The following ZFYVE9 variants were observed in gnomAD, a reference collection of about 807,000 sequenced individuals.
ZFYVE9 encodes zinc finger FYVE-type containing 9, also known as zinc finger FYVE domain-containing protein 9.
ZFYVE9 carries 43 observed loss-of-function variants against 126.7 expected under a neutral mutation model. The ratio of observed to expected loss-of-function variants is 0.34; its 90% confidence interval spans 0.27 to 0.44. The LOEUF is 0.44. Ranked by LOEUF, ZFYVE9 falls within the 20% of genes least tolerant of loss-of-function variation. ZFYVE9 has a pLI of 1.00. For missense variants in ZFYVE9, 1,476 were observed against 1,697.0 expected (o/e 0.87, Z 2.29); for synonymous variants, 521 against 597.4 (o/e 0.87, Z 1.87).
At chr1:52,254,146 A>T in intron 4 of ZFYVE9, 1 of 705,906 alleles carries the variant, frequency 1.4e-6, no homozygotes, top group East Asian at 2.7e-5. Flanking sequence ...CTAGATGTAC[A>T]ACTATAGATT....
At chr1:52,215,754 G>A (rs187532718) in intron 1 of ZFYVE9, among the ~76,000 whole-genome samples, 3 of 152,222 alleles carry the variant, frequency 2.0e-5, no homozygotes, top group Admixed American at 6.5e-5. Flanking sequence ...GGATATTGTC[G>A]TATTTTCACA....
chr1:52,337,963 G>A, intron 16 of ZFYVE9, 29 bp downstream of exon 16: 1 of 1,606,288 alleles, frequency 6.2e-7, no homozygotes, highest in Admixed American at 1.7e-5. Flanking sequence ...CCCCTTTGTG[G>A]CTTTTAGTTA....
intron 1 of ZFYVE9, among the ~76,000 whole-genome samples, chr1:52,169,793 G>A (rs1428178339): frequency 6.6e-6 from 1 of 152,144 alleles, no homozygotes; most frequent in Non-Finnish European, 1.5e-5. Context: ...ATGTTGTAAT[G>A]AGATTTGACC....
intron 1 of ZFYVE9, among the ~76,000 whole-genome samples, chr1:52,200,899 A>G (rs899372213): frequency 3.9e-5 from 6 of 152,196 alleles, no homozygotes; most frequent in African/African-American, 1.4e-4. Flanking sequence ...ATTACAGTAT[A>G]TCTTGAAGTA....
chr1:52,149,263 G>GA (rs1306687575), intron 1 of ZFYVE9, among the ~76,000 whole-genome samples: 97 of 151,580 alleles, frequency 6.4e-4, no homozygotes, highest in East Asian at 3.9e-4. Flanking sequence ...TAACTGGTTT[G>GA]AAAAAAAACT....
intron 4 of ZFYVE9, among the ~76,000 whole-genome samples, chr1:52,245,075 T>A (rs1645370892): frequency 6.6e-6 from 1 of 152,000 alleles, no homozygotes; most frequent in Non-Finnish European, 1.5e-5. Context: ...CGAGAATTAT[T>A]TGAACCCAGG....
At chr1:52,223,457 C>T (rs1645142633) in intron 2 of ZFYVE9, among the ~76,000 whole-genome samples, 1 of 152,128 alleles carries the variant, frequency 6.6e-6, no homozygotes. Context: ...CCTCATCCCT[C>T]TCTACATACA....
At chr1:52,226,058 C>T (rs1274521807) in intron 2 of ZFYVE9, among the ~76,000 whole-genome samples, 2 of 152,144 alleles carry the variant, frequency 1.3e-5, no homozygotes, top group African/African-American at 4.8e-5. Context: ...TTATGTAGAG[C>T]TCACAGATTG....
At position 52,146,027 on chromosome 1, in the gene ZFYVE9, C is replaced by CCACACACACACACACA. The variant is rs1168051378; in HGVS notation, c.-143+3639_-143+3654dup. On this transcript the variant is annotated intron_variant, in intron 1 of 18. Coordinates refer to ENST00000287727, the MANE Select transcript of ZFYVE9 (RefSeq NM_004799.4). ...CCTCCCAGCCAAGGCTCAAAAATAT[C>CCACACACACACACACA]CACACACACACACACACACACACAC... 1.8e-3 allele frequency among the ~76,000 whole-genome samples: 263 copies of CCACACACACACACACA among 146,284 alleles called. 2 individuals are homozygous for CCACACACACACACACA. The highest frequency in any genetic ancestry group is 5.7e-3 in the African/African-American group (225 of 39,492).
chr1:52,288,943 A>AAAAG (rs1557502335), intron 10 of ZFYVE9, among the ~76,000 whole-genome samples: 5 of 151,186 alleles, frequency 3.3e-5, no homozygotes, highest in South Asian at 2.1e-4. Flanking sequence ...AAAAAAAAAA[A>AAAAG]AAAGAAAAAG....
rs183294125 is a variant in ZFYVE9 at position 52,164,392 on chromosome 1, T to A, written c.-143+21989T>A. On this transcript the variant is annotated intron_variant, in intron 1 of 18. Coordinates refer to ENST00000287727, the MANE Select transcript of ZFYVE9 (RefSeq NM_004799.4). ...CCACGTCCAGCTAATTTTTGTATTTTTAGCAGAGATGGGCTTTTAACACGT... is the reference window on the plus strand; with the variant it reads ...CCACGTCCAGCTAATTTTTGTATTTATAGCAGAGATGGGCTTTTAACACGT... 6.0e-4 allele frequency among the ~76,000 whole-genome samples: 92 copies of A among 152,184 alleles called. 1 individual carries two copies. The East Asian group carries it at 0.014, about 22-fold the overall frequency.
At chr1:52,253,188 T>TGTA (rs1374525380) in intron 4 of ZFYVE9, among the ~76,000 whole-genome samples, 1 of 152,202 alleles carries the variant, frequency 6.6e-6, no homozygotes, top group Non-Finnish European at 1.5e-5. Flanking sequence ...ATGTTGTTGT[T>TGTA]GTATATCGAG....
At chr1:52,203,059 CT>C (rs578142046) in intron 1 of ZFYVE9, among the ~76,000 whole-genome samples, 5 of 152,060 alleles carry the variant, frequency 3.3e-5, no homozygotes, top group African/African-American at 9.7e-5. Flanking sequence ...TTAGGTTGGT[CT>C]TTTTTTTCTC....
At chr1:52,234,887 G>C (rs1047326459) in intron 3 of ZFYVE9, among the ~76,000 whole-genome samples, 3 of 152,154 alleles carry the variant, frequency 2.0e-5, no homozygotes, top group African/African-American at 7.2e-5. Flanking sequence ...ACAGTTCTTT[G>C]AGTCATAAGG....
intron 1 of ZFYVE9, chr1:52,180,437 T>C (rs1644687365): frequency 7.2e-7 from 1 of 1,383,100 alleles, no homozygotes; most frequent in African/African-American, 1.4e-5. Flanking sequence ...TGTCTGAATC[T>C]GGAGCAATTA....
intron 4 of ZFYVE9, among the ~76,000 whole-genome samples, chr1:52,259,055 C>T (rs533480010): frequency 1.2e-3 from 185 of 152,306 alleles, no homozygotes; most frequent in African/African-American, 4.3e-3. Context: ...AATTTATTAT[C>T]TCACAGTTAT....
chr1:52,257,084 T>C (rs190016466), intron 4 of ZFYVE9, among the ~76,000 whole-genome samples: 37 of 152,300 alleles, frequency 2.4e-4, no homozygotes, highest in African/African-American at 8.9e-4. Flanking sequence ...TAAGAGGGTA[T>C]AAATAGGCAC....
intron 16 of ZFYVE9, among the ~76,000 whole-genome samples, chr1:52,339,399 A>T (rs1646415742): frequency 6.6e-6 from 1 of 151,676 alleles, no homozygotes; most frequent in African/African-American, 2.4e-5. Flanking sequence ...GGTGATTCTC[A>T]TGCCTCAGCC....
At chr1:52,252,914 A>C (rs1003561604) in intron 4 of ZFYVE9, 1 of 163,958 alleles carries the variant, frequency 6.1e-6, no homozygotes, top group Non-Finnish European at 1.4e-5. Flanking sequence ...TTTAAACAAG[A>C]GGATTATTTG....
Sources: gnomAD v4.1 joint callset for allele counts (sites outside exome capture counted in the v4.1 genomes callset) on GRCh38, gnomAD v4.1.1 for gene constraint, MANE v1.5 for transcripts, NCBI Gene and HGNC (gene_info 2026-07-23, HGNC 2026-07-21) for gene names.